Variants in MARCHF1 observed in about 807,000 individuals in gnomAD.
MARCHF1 encodes the protein membrane associated ring-CH-type finger 1.
In MARCHF1, 40 loss-of-function variants were observed where a neutral mutation model predicts 54.2. The ratio of observed to expected loss-of-function variants is 0.74; its 90% CI spans 0.57 to 0.96. The LOEUF (loss-of-function observed/expected upper bound fraction) is 0.96. Among genes scored for constraint, MARCHF1 ranks in the 40% least tolerant of loss-of-function variants. MARCHF1 has a pLI of 0.00. For missense variants in MARCHF1, 586 were observed against 656.5 expected (o/e 0.89, Z 1.17); for synonymous variants, 236 against 236.3 (o/e 1.00, Z 0.01).
chr4:163,552,920 C>T (rs2110945937), intron 8 of MARCHF1, among the ~76,000 whole-genome samples: 1 of 151,722 alleles, frequency 6.6e-6, no homozygotes, highest in East Asian at 2.0e-4. Context: ...GTAGTCCCAG[C>T]TACTTGGGAG....
intron 3 of MARCHF1, among the ~76,000 whole-genome samples, chr4:163,972,218 G>T (rs1752560093): frequency 6.6e-6 from 1 of 152,094 alleles, no homozygotes; most frequent in Non-Finnish European, 1.5e-5. Flanking sequence ...AGCTAGGGGA[G>T]GGATAGTATT....
chr4:164,188,831 A>G, intron 1 of MARCHF1: 1 of 791,712 alleles, frequency 1.3e-6, no homozygotes, highest in Non-Finnish European at 2.3e-6. Context: ...GGTTCTCACT[A>G]AAATGCAATA....
chr4:163,909,370 G>A (rs999693638), intron 3 of MARCHF1, among the ~76,000 whole-genome samples: 1 of 152,080 alleles, frequency 6.6e-6, no homozygotes, highest in African/African-American at 2.4e-5. Flanking sequence ...TTCTGTCATT[G>A]CAAGCCCATA....
At chr4:164,001,226 CT>C (rs1753180791) in intron 2 of MARCHF1, among the ~76,000 whole-genome samples, 1 of 151,634 alleles carries the variant, frequency 6.6e-6, no homozygotes, top group African/African-American at 2.4e-5. Flanking sequence ...TAGAAAAATA[CT>C]TAGTAACTTC....
chr4:164,034,068 CAGATAGATAGAT>C (rs199977044), intron 2 of MARCHF1, among the ~76,000 whole-genome samples: 12,632 of 110,006 alleles, frequency 0.11, 639 homozygotes, highest in Middle Eastern at 0.22. Context: ...ATGTGATAGA[CAGATAGATAGAT>C]AGATAGATAG....
At chr4:163,757,897 G>A (rs1218889972) in intron 4 of MARCHF1, among the ~76,000 whole-genome samples, 1 of 152,160 alleles carries the variant, frequency 6.6e-6, no homozygotes, top group Non-Finnish European at 1.5e-5. Context: ...CAGGGAGCTT[G>A]AGTCCAGCCT....
At chr4:163,943,811 C>T (rs1282594925) in intron 3 of MARCHF1, among the ~76,000 whole-genome samples, 4 of 149,972 alleles carry the variant, frequency 2.7e-5, no homozygotes, top group South Asian at 2.1e-4. Flanking sequence ...GAGCCTTCCA[C>T]GGAATTTAAA....
intron 5 of MARCHF1, among the ~76,000 whole-genome samples, chr4:163,689,588 A>G (rs1403134214): frequency 1.3e-5 from 2 of 152,194 alleles, no homozygotes; most frequent in Admixed American, 6.5e-5. Context: ...AATGGCTACC[A>G]TACTGGATAG....
chr4:164,006,191 TAAG>T (rs1158531057), intron 2 of MARCHF1, among the ~76,000 whole-genome samples: 2 of 152,132 alleles, frequency 1.3e-5, no homozygotes, highest in African/African-American at 4.8e-5. Context: ...ATAGCAGATT[TAAG>T]AAGACTCAGT....
Position 164,284,334 on chromosome 4 carries a change from C to CAGAGAG in MARCHF1, c.-323+99530_-323+99535dup, listed in dbSNP as rs139533400. Among the ~76,000 whole-genome samples, 164 of 117,624 alleles carry CAGAGAG rather than the reference C, an allele frequency of 1.4e-3. 3 individuals carry two copies. The highest frequency in any genetic ancestry group is 1.5e-3 in the Non-Finnish European group (83 of 57,046). The allele number at this position is 117,624 out of a possible 152,430, so 77.2% of individuals were successfully genotyped here. On this transcript the variant is annotated intron_variant, in intron 1 of 9. Transcript: ENST00000514618. ...CTAAAGAAAGTGAGAGAGAGAGAGA[C>CAGAGAG]AGAGAGAGAGAGAGAGAGAGAGAGA...
At chr4:164,276,074 AT>A (rs1560984264) in intron 1 of MARCHF1, among the ~76,000 whole-genome samples, 2 of 152,090 alleles carry the variant, frequency 1.3e-5, no homozygotes, top group Non-Finnish European at 2.9e-5. Context: ...TTCTTTTCAT[AT>A]TTTTGAAAAC....
At chr4:164,199,677 C>CAG (rs752515952) in intron 1 of MARCHF1, among the ~76,000 whole-genome samples, 18 of 64,012 alleles carry the variant, frequency 2.8e-4, no homozygotes, top group East Asian at 1.6e-3. Flanking sequence ...CACACACACA[C>CAG]ACACAGAGAG....
At chr4:164,259,660 A>G (rs1352664037) in intron 1 of MARCHF1, among the ~76,000 whole-genome samples, 1 of 152,066 alleles carries the variant, frequency 6.6e-6, no homozygotes, top group Non-Finnish European at 1.5e-5. Context: ...TTATACTATT[A>G]AGCTGTTGTT....
intron 1 of MARCHF1, among the ~76,000 whole-genome samples, chr4:164,245,083 A>G (rs1452262315): frequency 1.3e-5 from 2 of 152,220 alleles, no homozygotes; most frequent in East Asian, 1.9e-4. Flanking sequence ...ATAGAAAAAG[A>G]GGGAACCCTC....
At chr4:164,231,963 T>A (rs751520523) in intron 1 of MARCHF1, among the ~76,000 whole-genome samples, 1 of 152,196 alleles carries the variant, frequency 6.6e-6, no homozygotes, top group Non-Finnish European at 1.5e-5. Context: ...ATAAACAAAT[T>A]CCTTGAGTTT....
At chr4:163,899,818 T>C (rs1750899366) in intron 3 of MARCHF1, among the ~76,000 whole-genome samples, 1 of 151,080 alleles carries the variant, frequency 6.6e-6, no homozygotes, top group South Asian at 2.1e-4. Flanking sequence ...CACAGTTTTC[T>C]CTTTCTTAGC....
At chr4:163,791,417 CAT>C in intron 4 of MARCHF1, among the ~76,000 whole-genome samples, 1 of 152,196 alleles carries the variant, frequency 6.6e-6, no homozygotes, top group African/African-American at 2.4e-5. Context: ...GTATGAGACT[CAT>C]AACATTTTAG....
intron 5 of MARCHF1, among the ~76,000 whole-genome samples, chr4:163,615,339 C>G (rs1402464727): frequency 1.3e-5 from 2 of 151,954 alleles, no homozygotes; most frequent in Admixed American, 1.3e-4. Flanking sequence ...CTAAAGACAC[C>G]ACCAAAAAAC....
At chr4:163,764,018 C>A (rs1746905042) in intron 4 of MARCHF1, among the ~76,000 whole-genome samples, 1 of 151,828 alleles carries the variant, frequency 6.6e-6, no homozygotes, top group African/African-American at 2.4e-5. Flanking sequence ...AAGTGTACAC[C>A]ACTGCAGGCA....
Sources: allele counts gnomAD v4.1 joint callset (sites outside exome capture counted in the v4.1 genomes callset), GRCh38; gene constraint gnomAD v4.1.1; transcripts MANE v1.5; gene names NCBI Gene and HGNC (gene_info 2026-07-23, HGNC 2026-07-21).